The following NLGN4Y variants were observed in gnomAD, a reference collection of about 807,000 sequenced individuals.
NLGN4Y encodes the protein neuroligin-4, Y-linked.
NLGN4Y carries 4 observed loss-of-function variants against 8.4 expected under a neutral mutation model. The ratio of observed to expected loss-of-function variants is 0.48; its 90% CI spans 0.23 to 1.09. NLGN4Y has a LOEUF of 1.09. NLGN4Y is among the 50% of genes least tolerant of loss of function. The pLI is 0.19. For missense variants in NLGN4Y, 90 were observed against 192.3 expected (o/e 0.47, Z 3.15); for synonymous variants, 35 against 75.6 (o/e 0.46, Z 2.78).
intron 4 of NLGN4Y, chrY:14,798,651 T>C (rs2043020848): frequency 2.9e-5 from 1 of 34,249 alleles, no homozygotes; most frequent in Admixed American, 2.7e-4. Context: ...TATTTTGTCT[T>C]TTGTAATTTC....
chrY:14,768,365 A>G (rs764347685), intron 4 of NLGN4Y, among the ~76,000 whole-genome samples: 1 of 33,519 alleles, frequency 3.0e-5, no homozygotes, highest in Non-Finnish European at 7.3e-5. Context: ...TGGTTTCTGC[A>G]CAGAGAAATG....
chrY:14,733,403 A>G, intron 4 of NLGN4Y: 2 of 215,951 alleles, frequency 9.3e-6, no homozygotes, highest in Middle Eastern at 1.2e-3. Context: ...GGGTTCACAA[A>G]GAAACATGAA....
intron 2 of NLGN4Y, among the ~76,000 whole-genome samples, chrY:14,717,283 A>G: frequency 6.1e-5 from 2 of 32,824 alleles, no homozygotes; most frequent in African/African-American, 2.4e-4. Flanking sequence ...AGTCCCAGCT[A>G]CTCTGGAGGC....
intron 4 of NLGN4Y, among the ~76,000 whole-genome samples, chrY:14,813,279 T>C (rs760011400): frequency 7.8e-4 from 26 of 33,389 alleles, no homozygotes; most frequent in African/African-American, 3.0e-3. Context: ...ACACTGTAAC[T>C]GCCCAACAGA....
chrY:14,702,784 TAA>T (rs2080857552), intron 2 of NLGN4Y, among the ~76,000 whole-genome samples: 1 of 33,185 alleles, frequency 3.0e-5, no homozygotes, highest in African/African-American at 1.2e-4. Flanking sequence ...ACCAACACTG[TAA>T]AAGTGTTCCT....
At chrY:14,820,461 G>A in intron 4 of NLGN4Y, among the ~76,000 whole-genome samples, 1 of 32,789 alleles carries the variant, frequency 3.0e-5, no homozygotes, top group Non-Finnish European at 7.5e-5. Flanking sequence ...TAATTTCTGA[G>A]GCTCCCCTTA....
intron 2 of NLGN4Y, among the ~76,000 whole-genome samples, chrY:14,711,966 C>T (rs2080900283): frequency 3.3e-5 from 1 of 30,034 alleles, no homozygotes; most frequent in Non-Finnish European, 7.9e-5. Context: ...CCCAGCTACT[C>T]GGGAAGCTGA....
rs2043075917 is a variant in NLGN4Y at position 14,810,882 on chromosome Y, A to AT, written c.686-13306_686-13305insT. 9.0e-4 allele frequency among the ~76,000 whole-genome samples: 30 copies of AT among 33,213 alleles called. No homozygotes were observed. In the East Asian group the frequency reaches 0.014, roughly 15 times the overall value. The allele number at this position is 33,213 out of a possible 37,273, so 89.1% of individuals were successfully genotyped here. A position where few individuals can be genotyped will look rare whatever the true frequency, so the allele number is the denominator to read the frequency against. ...GGTATAAATACCATGTGTCTGTTAT[A>AT]ATTGTCTTAGATTTTCTCTATGGAC... On this transcript the variant is annotated intron_variant, in intron 4 of 6. Transcript: ENST00000684976.
intron 2 of NLGN4Y, among the ~76,000 whole-genome samples, chrY:14,662,345 T>TTATC (rs763925378): frequency 9.7e-4 from 33 of 33,891 alleles, no homozygotes; most frequent in Admixed American, 3.8e-3. Flanking sequence ...CATCTATCTG[T>TTATC]TATCTATCTA....
At chrY:14,607,731 T>G in intron 1 of NLGN4Y, among the ~76,000 whole-genome samples, 1 of 34,182 alleles carries the variant, frequency 2.9e-5, no homozygotes, top group African/African-American at 1.1e-4. Context: ...ATCCTTTGGG[T>G]ATGTACCCAG....
intron 4 of NLGN4Y, among the ~76,000 whole-genome samples, chrY:14,768,093 T>A (rs1603503736): frequency 2.9e-5 from 1 of 34,207 alleles, no homozygotes; most frequent in East Asian, 7.7e-4. Context: ...TGACAATGTA[T>A]GTAACACATT....
At chrY:14,525,874 G>T in intron 1 of NLGN4Y, among the ~76,000 whole-genome samples, 8 of 32,574 alleles carry the variant, frequency 2.5e-4, no homozygotes, top group African/African-American at 9.7e-4. Flanking sequence ...GCAAAGAAAA[G>T]GAAAAATAAA....
chrY:14,549,712 G>A (rs2080185177), intron 1 of NLGN4Y, among the ~76,000 whole-genome samples: 1 of 32,929 alleles, frequency 3.0e-5, no homozygotes, highest in African/African-American at 1.2e-4. Context: ...CTCTCATCAG[G>A]GACAGTTCCT....
intron 2 of NLGN4Y, among the ~76,000 whole-genome samples, chrY:14,718,832 G>GTAGT (rs2080924639): frequency 1.2e-4 from 4 of 33,383 alleles, no homozygotes; most frequent in Non-Finnish European, 2.2e-4. Context: ...TGAATAATGG[G>GTAGT]TAGTTGTTCT....
At chrY:14,811,184 TATGA>T (rs2043078238) in intron 4 of NLGN4Y, among the ~76,000 whole-genome samples, 1 of 33,656 alleles carries the variant, frequency 3.0e-5, no homozygotes, top group Non-Finnish European at 7.4e-5. Flanking sequence ...ATAAATTGAC[TATGA>T]ATGATTTCCT....
intron 2 of NLGN4Y, among the ~76,000 whole-genome samples, chrY:14,666,453 C>CT (rs2080691857): frequency 6.4e-5 from 2 of 31,134 alleles, no homozygotes; most frequent in East Asian, 1.7e-3. Context: ...TGAGGTTTTA[C>CT]TTTTTTTTTT....
At chrY:14,657,381 A>G (rs2080657678) in intron 2 of NLGN4Y, among the ~76,000 whole-genome samples, 1 of 32,490 alleles carries the variant, frequency 3.1e-5, no homozygotes, top group Admixed American at 2.9e-4. Flanking sequence ...TTTGTCTTTC[A>G]TGGCCTTAAG....
chrY:14,645,273 C>T, intron 2 of NLGN4Y, among the ~76,000 whole-genome samples: 1 of 24,472 alleles, frequency 4.1e-5, no homozygotes, highest in African/African-American at 1.7e-4. Flanking sequence ...CCCATGTTCA[C>T]ACCATTCTCC....
chrY:14,642,599 T>C (rs748866687), intron 2 of NLGN4Y, among the ~76,000 whole-genome samples: 4 of 33,146 alleles, frequency 1.2e-4, no homozygotes, highest in African/African-American at 3.5e-4. Context: ...GGTGGGAGAA[T>C]TGCTTGAGGC....
Sources: gnomAD v4.1 joint callset for allele counts (sites outside exome capture counted in the v4.1 genomes callset) on GRCh38, gnomAD v4.1.1 for gene constraint, MANE v1.5 for transcripts, NCBI Gene and HGNC (gene_info 2026-07-23, HGNC 2026-07-21) for gene names.